The following GPR137 variants were observed in gnomAD, a reference collection of about 807,000 sequenced individuals.
The protein encoded by GPR137 is G protein-coupled receptor 137, also known as integral membrane protein GPR137.
In GPR137, 20 loss-of-function variants were observed where a neutral mutation model predicts 38.9. The ratio of observed to expected loss-of-function variants is 0.51; its 90% CI spans 0.36 to 0.75. The LOEUF (loss-of-function observed/expected upper bound fraction) is 0.75. GPR137 is among the 30% of genes least tolerant of loss of function. GPR137 has a pLI of 0.00. For missense variants in GPR137, 456 were observed against 526.4 expected, an observed-to-expected ratio of 0.87 and a Z score of 1.31; for synonymous variants, 226 against 235.8, an observed-to-expected ratio of 0.96 and a Z score of 0.38.
chr11:64,287,360 G>A (rs2034210967), intron 2 of GPR137: 3 of 945,244 alleles, frequency 3.2e-6, no homozygotes, highest in South Asian at 9.8e-5. Flanking sequence ...AGTGTCTTAC[G>A]GTTTATAAAG....
upstream of GPR137, among the ~76,000 whole-genome samples, chr11:64,272,511 G>A (rs965777600): frequency 3.9e-5 from 6 of 152,182 alleles, no homozygotes; most frequent in African/African-American, 1.4e-4. Context: ...AGCCCCTGGA[G>A]AACAAGAACT....
Position 64,285,985 on chromosome 11 carries a change from G to A in GPR137, c.-540G>A, listed in dbSNP as rs2135173024. On this transcript the variant is annotated 5_prime_UTR_variant, in exon 1 of 7. Coordinates refer to ENST00000438980, the MANE Select transcript of GPR137 (RefSeq NM_001170880.2). ...GCGTGGACGCGGTGGGGGAGGGTGG[G>A]GCGGGGGCAGCTTTCGAGAATTACG... 2.0e-6 allele frequency: 2 copies of A among 982,806 alleles called. No homozygotes were observed. The highest frequency in any genetic ancestry group is 2.4e-6 in the Non-Finnish European group (2 of 827,440). 60.9% of individuals were successfully genotyped at this position (982,806 alleles called of 1,614,324 possible).
At chr11:64,274,565 G>A (rs992865653), upstream of GPR137, among the ~76,000 whole-genome samples, 2 of 151,540 alleles carry the variant, frequency 1.3e-5, no homozygotes, top group African/African-American at 4.9e-5. Flanking sequence ...GCTCACGCCT[G>A]TAATCCCAGC....
chr11:64,276,278 G>A (rs2033047459), intron 1 of GPR137: 1 of 36,700 alleles, frequency 2.7e-5, no homozygotes, highest in Non-Finnish European at 5.3e-5. Context: ...ATATATTTAT[G>A]TGTGTGTGTG....
chr11:64,285,616 G>C (rs1591192929), upstream of GPR137: 2 of 985,038 alleles, frequency 2.0e-6, no homozygotes, highest in South Asian at 4.7e-5. Flanking sequence ...AAGTAAAGGC[G>C]GGCGGCACGG....
chr11:64,271,677 C>G, upstream of GPR137: 1 of 1,501,908 alleles, frequency 6.7e-7, no homozygotes, highest in Non-Finnish European at 8.9e-7. Flanking sequence ...CTGTGCTGCC[C>G]AGAGGTTGGG....
upstream of GPR137, among the ~76,000 whole-genome samples, chr11:64,283,581 G>A (rs575580964): frequency 2.6e-5 from 4 of 152,210 alleles, no homozygotes; most frequent in Admixed American, 6.5e-5. Flanking sequence ...CTGTGGGTAC[G>A]AGCCACAGGG....
At chr11:64,271,608 C>G (rs1304288256), upstream of GPR137, 1 of 1,439,822 alleles carries the variant, frequency 6.9e-7, no homozygotes. Context: ...GGGACTGGCG[C>G]TCACCTTAAA....
Position 64,288,079 on chromosome 11 carries a change from C to T in GPR137, c.648C>T (p.Cys216=). 1 of 1,610,844 alleles carries T rather than the reference C, an allele frequency of 6.2e-7. No homozygotes were observed. Among genetic ancestry groups the T allele is most frequent in the Non-Finnish European group, 8.5e-7 (1 of 1,179,938 alleles). ...ACCTGTGCCAGGGGACCAGTGTGTG[C>T]CAGGCGGCCGCGATGGGTGGCGCCA... is the stretch of plus-strand genomic sequence containing the variant. ...IYLEAKGTSV[C]QAAAMGGAMV... The change falls in exon 4 of 7, where the codon TGC becomes TGT. Residue 216 remains cysteine (C), a synonymous_variant. Coordinates refer to ENST00000438980, the MANE Select transcript of GPR137 (RefSeq NM_001170880.2). The surrounding 1 kb of genome is among the most constrained non-coding windows in gnomAD (Gnocchi z 5.5).
chr11:64,287,682 G>T, intron 2 of GPR137, 39 bp from the exon 3 acceptor site: 1 of 1,598,860 alleles, frequency 6.3e-7, no homozygotes. Context: ...GAGTGCTGAG[G>T]GCTGTTGAGG....
chr11:64,283,959 G>A (rs144134001), upstream of GPR137, among the ~76,000 whole-genome samples: 248 of 152,300 alleles, frequency 1.6e-3, no homozygotes, highest in African/African-American at 5.6e-3. Context: ...GCTTTAATGT[G>A]CACCAGCTCT....
upstream of GPR137, chr11:64,285,840 A>AG (rs200037124): frequency 6.6e-3 from 6,467 of 982,994 alleles, 35 homozygotes; most frequent in African/African-American, 0.018. Flanking sequence ...GCGGAGGGGG[A>AG]GGGGGGCGGA....
At chr11:64,279,169 C>T (rs11231740) in intron 2 of GPR137, among the ~76,000 whole-genome samples, 52,057 of 151,940 alleles carry the variant, frequency 0.34, 10,932 homozygotes, top group Non-Finnish European at 0.48. Flanking sequence ...AGACTCATTC[C>T]CAGGGACATA....
At chr11:64,284,037 G>T, upstream of GPR137, 1 of 925,724 alleles carries the variant, frequency 1.1e-6, no homozygotes, top group Non-Finnish European at 1.6e-6. Context: ...GTTATTAATT[G>T]CTGTTTTACG....
upstream of GPR137, among the ~76,000 whole-genome samples, chr11:64,274,425 G>A (rs1029682952): frequency 2.6e-5 from 4 of 151,380 alleles, no homozygotes; most frequent in Admixed American, 6.6e-5. Context: ...AGTGGCTCAC[G>A]CCAGTAATCC....
chr11:64,271,778 A>C, upstream of GPR137: 43 of 1,324,994 alleles, frequency 3.2e-5, no homozygotes, highest in South Asian at 3.1e-4. Flanking sequence ...AGCTGTGGCG[A>C]CTCCGGATCT....
At chr11:64,284,042 T>G, upstream of GPR137, 1 of 1,045,208 alleles carries the variant, frequency 9.6e-7, no homozygotes, top group African/African-American at 1.6e-5. Flanking sequence ...TAATTGCTGT[T>G]TTACGAAAGA....
In GPR137 at chr11:64,289,221, C is replaced by T; in HGVS notation, c.*25C>T. On this transcript the variant is annotated 3_prime_UTR_variant, in exon 7 of 7. Coordinates refer to ENST00000438980, the MANE Select transcript of GPR137 (RefSeq NM_001170880.2). Reference sequence around the variant, plus strand: ...ATCCCCCTCCCTCCCCCACAGAATACCCAGGCCCCAGTCCCCCTCACCCTA... The same window carrying T: ...ATCCCCCTCCCTCCCCCACAGAATATCCAGGCCCCAGTCCCCCTCACCCTA... The T allele has an allele frequency of 6.8e-7, 1 of 1,463,614 alleles. No individual in the cohort carries two copies. The highest frequency in any genetic ancestry group is 1.1e-5 in the South Asian group (1 of 88,414). The allele number at this position is 1,463,614 out of a possible 1,614,324, so 90.7% of individuals were successfully genotyped here. A position where few individuals can be genotyped will look rare whatever the true frequency, so the allele number is the denominator to read the frequency against.
At chr11:64,285,758 G>A (rs1246189957), upstream of GPR137, 2 of 985,268 alleles carry the variant, frequency 2.0e-6, no homozygotes, top group Admixed American at 6.1e-5. Flanking sequence ...GTTTCACGCC[G>A]GGTGCGGCGC....
Sources: gnomAD v4.1 joint callset for allele counts (sites outside exome capture counted in the v4.1 genomes callset) on GRCh38, gnomAD v4.1.1 for gene constraint, Gnocchi (gnomAD v3.1) non-coding constraint, MANE v1.5 for transcripts, NCBI Gene and HGNC (gene_info 2026-07-23, HGNC 2026-07-21) for gene names.